The following SLC15A1 variants were observed in gnomAD, a reference collection of about 807,000 sequenced individuals.
SLC15A1 encodes the protein solute carrier family 15 member 1.
A neutral mutation model predicts 92.9 loss-of-function variants in SLC15A1; 83 were observed. The observed-to-expected ratio is 0.89, with a 90% CI of 0.75 to 1.07. SLC15A1 has a LOEUF of 1.07. SLC15A1 is among the 50% of genes least tolerant of loss of function. The pLI, the probability that SLC15A1 is intolerant of heterozygous loss-of-function variation, is 0.00. For missense variants in SLC15A1, 857 were observed against 880.1 expected, an observed-to-expected ratio of 0.97 and a Z score of 0.33; for synonymous variants, 322 against 318.2, an observed-to-expected ratio of 1.01 and a Z score of -0.13.
At chr13:98,696,434 A>AAC (rs1566444433) in intron 18 of SLC15A1, among the ~76,000 whole-genome samples, 86 of 145,844 alleles carry the variant, frequency 5.9e-4, no homozygotes, top group African/African-American at 1.9e-3. Context: ...ACAACAACAA[A>AAC]AAAAAACCCA....
At chr13:98,716,045 T>TCCCAAAACAAAGTTATAATTC in intron 8 of SLC15A1, 85 bp from the exon 9 acceptor site, 1 of 1,145,812 alleles carries the variant, frequency 8.7e-7, no homozygotes, top group Non-Finnish European at 1.3e-6. Context: ...ATTTGAATTA[T>TCCCAAAACAAAGTTATAATTC]AACTTTGTTT....
intron 17 of SLC15A1, among the ~76,000 whole-genome samples, chr13:98,703,027 G>A (rs1264649926): frequency 1.3e-5 from 2 of 150,942 alleles, no homozygotes; most frequent in Non-Finnish European, 3.0e-5. Flanking sequence ...GCCAGGCATG[G>A]TGGTTCATGC....
intron 16 of SLC15A1, among the ~76,000 whole-genome samples, 164 bp from the exon 17 acceptor site, chr13:98,704,599 C>T (rs982029456): frequency 3.9e-5 from 6 of 152,100 alleles, no homozygotes; most frequent in Non-Finnish European, 5.9e-5. Context: ...CTCAGCTTCC[C>T]ACCCACCCTT....
chr13:98,720,895 A>C, intron 7 of SLC15A1: 1 of 347,876 alleles, frequency 2.9e-6, no homozygotes. Context: ...CTAAAAATAC[A>C]AAAAATATTA....
At chr13:98,694,855 T>C (rs2088008710) in intron 18 of SLC15A1, among the ~76,000 whole-genome samples, 1 of 151,660 alleles carries the variant, frequency 6.6e-6, no homozygotes, top group South Asian at 2.1e-4. Flanking sequence ...TGAAACCCTG[T>C]CTCTACTAAA....
At position 98,712,541 on chromosome 13, in the gene SLC15A1, G is replaced by A. The variant is rs1349496883; in HGVS notation, c.767C>T (p.Pro256Leu). The A allele has an allele frequency of 1.2e-6, 2 of 1,610,612 alleles. No individual in the cohort carries two copies. The highest frequency in any genetic ancestry group is 1.7e-5 in the Admixed American group (1 of 59,336). ...NRFRHRSKAF[P>L]KREHWLDWAK... ...CCAGTCCAGCCAGTGCTCCCTCTTG[G>A]GAAATGCCTTACTCCGATGCCTAAA... Residue 256 changes from proline (P) to leucine (L), a missense_variant, in exon 10 of 23, where the codon CCC (proline) becomes CTC (leucine). Transcript: ENST00000376503.
chr13:98,732,913 C>G (rs7995801), intron 1 of SLC15A1, among the ~76,000 whole-genome samples: 8 of 152,158 alleles, frequency 5.3e-5, no homozygotes, highest in Admixed American at 2.0e-4. Flanking sequence ...TTCAGGGATA[C>G]GTTCCCTCCC....
Position 98,727,297 on chromosome 13 carries a change from G to C in SLC15A1, c.5-438C>G, listed in dbSNP as rs112995315. ...CTCAACCGCCACCTCCTATGGCTTGGGCCCTGCCTGCCAGGCTCACCCCAT... is the reference window on the plus strand; with the variant it reads ...CTCAACCGCCACCTCCTATGGCTTGCGCCCTGCCTGCCAGGCTCACCCCAT... On this transcript the variant is annotated intron_variant, in intron 1 of 22. Transcript: ENST00000376503. 4.9e-3 allele frequency among the ~76,000 whole-genome samples: 753 copies of C among 152,246 alleles called. 7 individuals are homozygous for C. The highest frequency in any genetic ancestry group is 0.017 in the African/African-American group (716 of 41,530).
intron 9 of SLC15A1, 37 bp from the exon 10 acceptor site, chr13:98,712,621 A>G: frequency 6.8e-7 from 1 of 1,469,420 alleles, no homozygotes; most frequent in African/African-American, 1.4e-5. Flanking sequence ...TCAAAACAGG[A>G]CCAACAACTT....
intron 18 of SLC15A1, among the ~76,000 whole-genome samples, chr13:98,689,018 C>T (rs1410816875): frequency 6.6e-6 from 1 of 152,176 alleles, no homozygotes; most frequent in African/African-American, 2.4e-5. Context: ...CGGCTCACTG[C>T]AACCTCTGCC....
chr13:98,714,768 G>C (rs1280065825), intron 9 of SLC15A1, among the ~76,000 whole-genome samples: 1 of 149,008 alleles, frequency 6.7e-6, no homozygotes, highest in Non-Finnish European at 1.5e-5. Context: ...TCATCCATAA[G>C]ATTCACACAT....
At chr13:98,703,330 G>T (rs1165277731) in intron 17 of SLC15A1, among the ~76,000 whole-genome samples, 3 of 152,156 alleles carry the variant, frequency 2.0e-5, no homozygotes, top group Non-Finnish European at 2.9e-5. Context: ...TACAATTTTT[G>T]ATCATTGGTT....
chr13:98,708,084 T>C (rs1262133776), intron 15 of SLC15A1, among the ~76,000 whole-genome samples: 1 of 132,276 alleles, frequency 7.6e-6, no homozygotes, highest in Non-Finnish European at 1.6e-5. Context: ...ACAAAGATAT[T>C]AAAAGGGTGG....
rs1469570772 is a variant in SLC15A1, at chr13:98,728,993, AAAAAAAAAAAAAAC to A, written c.5-2148_5-2135del. Among the ~76,000 whole-genome samples the A allele has an allele frequency of 2.9e-4, 43 of 147,118 alleles. 1 individual carries two copies. The highest frequency in any genetic ancestry group is 8.4e-4 in the African/African-American group (34 of 40,300). On this transcript the variant is annotated intron_variant, in intron 1 of 22. Transcript: ENST00000376503. Reference sequence around the variant, plus strand: ...AAGGCTCTGTAAAAAAAAAAAAAAAAAAAAAAAAAAAAACAACAAGCCCCAAAACAAAAAACAAA... The same window carrying A: ...AAGGCTCTGTAAAAAAAAAAAAAAAAAACAAGCCCCAAAACAAAAAACAAA...
intron 1 of SLC15A1, 41 bp downstream of exon 1, chr13:98,752,554 C>A (rs758199526): frequency 9.4e-6 from 12 of 1,277,040 alleles, no homozygotes; most frequent in Non-Finnish European, 1.2e-5. Context: ...CGCGTAGCTC[C>A]GAGTCTTTAG....
At chr13:98,709,809 G>A (rs1216416874) in intron 12 of SLC15A1, 35 bp from the exon 13 acceptor site, 4 of 1,614,026 alleles carry the variant, frequency 2.5e-6, no homozygotes, top group Admixed American at 3.3e-5. Flanking sequence ...AGTGAAAAAT[G>A]TCATGAAAGG....
chr13:98,696,624 G>C (rs1236383790), intron 18 of SLC15A1, among the ~76,000 whole-genome samples: 1 of 152,128 alleles, frequency 6.6e-6, no homozygotes, highest in Admixed American at 6.5e-5. Context: ...CAAAGACCAG[G>C]ACAGGACCGG....
intron 18 of SLC15A1, among the ~76,000 whole-genome samples, chr13:98,697,203 G>A (rs532805173): frequency 4.6e-5 from 7 of 152,118 alleles, no homozygotes; most frequent in Admixed American, 2.0e-4. Flanking sequence ...TTACAGGCAC[G>A]CACCACCACG....
In SLC15A1 at chr13:98,726,110, TCCAGCCACTCACTTGAACTTTC is replaced by T; in HGVS notation, c.236_245+12del. 6.2e-7 allele frequency: 1 copy of T among 1,611,836 alleles called. No individual in the cohort carries two copies. Among genetic ancestry groups the T allele is most frequent in the East Asian group, 2.2e-5 (1 of 44,828 alleles). ...TTCGCTTGTTTGTGAACAAGAAATTTCCAGCCACTCACTTGAACTTTCCCAGCCACGAGTCGGCGATAAGAGC... is the reference window on the plus strand; with the variant it reads ...TTCGCTTGTTTGTGAACAAGAAATTTCCAGCCACGAGTCGGCGATAAGAGC... On this transcript the variant is annotated splice_donor_variant and splice_donor_5th_base_variant and coding_sequence_variant and intron_variant, in exon 4 of 23. Coordinates refer to ENST00000376503, the MANE Select transcript of SLC15A1 (RefSeq NM_005073.4). LOFTEE classifies it high-confidence loss of function.
Sources: allele counts gnomAD v4.1 joint callset (sites outside exome capture counted in the v4.1 genomes callset), GRCh38; gene constraint gnomAD v4.1.1; transcripts MANE v1.5; gene names NCBI Gene and HGNC (gene_info 2026-07-23, HGNC 2026-07-21).